The following SHISA9 variants were observed in gnomAD, a reference collection of about 807,000 sequenced individuals.
SHISA9 encodes the protein shisa family member 9.
A neutral mutation model predicts 38.0 loss-of-function variants in SHISA9; 13 were observed. The ratio of observed to expected loss-of-function variants is 0.34; its 90% CI spans 0.22 to 0.54. The LOEUF (loss-of-function observed/expected upper bound fraction) is 0.54. Ranked by LOEUF, SHISA9 falls within the 20% of genes least tolerant of loss-of-function variation. The probability of loss-of-function intolerance (pLI) is 0.91; values close to 1 mark genes in which losing one functional copy is unlikely to be tolerated. For missense variants in SHISA9, 538 were observed against 575.8 expected (o/e 0.93, Z 0.67); for synonymous variants, 275 against 242.0 (o/e 1.14, Z -1.27).
chr16:13,552,617 C>T, the SHISA9 span, among the ~76,000 whole-genome samples: 1 of 152,136 alleles, frequency 6.6e-6, no homozygotes. Context: ...ACAACTTGCT[C>T]GAGGTCACAA....
chr16:13,010,900 C>T (rs760741442), intron 2 of SHISA9, among the ~76,000 whole-genome samples: 11 of 152,218 alleles, frequency 7.2e-5, no homozygotes, highest in East Asian at 1.9e-4. Flanking sequence ...TGTAGTAAGC[C>T]GAGATAGAGC....
the SHISA9 span, among the ~76,000 whole-genome samples, chr16:13,475,010 T>A: frequency 6.6e-6 from 1 of 152,200 alleles, no homozygotes; most frequent in Non-Finnish European, 1.5e-5. Flanking sequence ...TGTGATTTGT[T>A]TTATATTTTA....
intron 3 of SHISA9, among the ~76,000 whole-genome samples, chr16:13,212,813 C>A (rs927213437): frequency 6.6e-6 from 1 of 152,052 alleles, no homozygotes; most frequent in Admixed American, 6.6e-5. Context: ...ATAATGTGCC[C>A]CTTTTCAGGA....
chr16:13,342,088 T>C, the SHISA9 span, among the ~76,000 whole-genome samples: 2 of 152,234 alleles, frequency 1.3e-5, no homozygotes, highest in Admixed American at 6.5e-5. Context: ...CTAGTTAAGC[T>C]GCCATGGTCT....
chr16:13,401,822 T>G, the SHISA9 span, among the ~76,000 whole-genome samples: 2 of 152,296 alleles, frequency 1.3e-5, no homozygotes, highest in African/African-American at 4.8e-5. Context: ...AGAGGTTTAA[T>G]GGACTCACCG....
chr16:13,442,666 G>T, the SHISA9 span, among the ~76,000 whole-genome samples: 655 of 152,234 alleles, frequency 4.3e-3, 7 homozygotes, highest in African/African-American at 0.015. Flanking sequence ...AGATGTTACT[G>T]TTGGGGACTA....
chr16:12,937,381 T>C (rs980644382), intron 2 of SHISA9, among the ~76,000 whole-genome samples: 4 of 152,200 alleles, frequency 2.6e-5, no homozygotes, highest in African/African-American at 9.6e-5. Flanking sequence ...CTGTAATAAG[T>C]TTATTGTCTG....
intron 2 of SHISA9, among the ~76,000 whole-genome samples, chr16:13,030,864 T>C (rs1189721085): frequency 6.6e-6 from 1 of 152,190 alleles, no homozygotes; most frequent in Non-Finnish European, 1.5e-5. Context: ...GACCCCTTCA[T>C]GGCCAAAACG....
At chr16:13,316,771 G>A in the SHISA9 span, among the ~76,000 whole-genome samples, 1 of 152,138 alleles carries the variant, frequency 6.6e-6, no homozygotes, top group South Asian at 2.1e-4. Context: ...TCCTCCCATT[G>A]ACTCCACAAA....
At chr16:12,970,357 A>G (rs1387309770) in intron 2 of SHISA9, among the ~76,000 whole-genome samples, 7 of 66,696 alleles carry the variant, frequency 1.0e-4, no homozygotes, top group Admixed American at 3.4e-4. Flanking sequence ...ATATGTGTAT[A>G]TATATATATA....
the SHISA9 span, among the ~76,000 whole-genome samples, chr16:13,269,596 C>T: frequency 6.6e-6 from 1 of 152,154 alleles, no homozygotes; most frequent in Middle Eastern, 3.2e-3. Context: ...CTTCCCTGTA[C>T]CTTGGTTTTC....
chr16:13,073,282 C>G (rs2073540806), intron 2 of SHISA9, among the ~76,000 whole-genome samples: 1 of 150,502 alleles, frequency 6.6e-6, no homozygotes, highest in Non-Finnish European at 1.5e-5. Context: ...ATTGAGGTCC[C>G]TGGGGACTCA....
chr16:13,541,305 A>G, the SHISA9 span, among the ~76,000 whole-genome samples: 2 of 152,224 alleles, frequency 1.3e-5, no homozygotes, highest in African/African-American at 4.8e-5. Context: ...GTAATGTAGT[A>G]CATGATGAGC....
intron 2 of SHISA9, among the ~76,000 whole-genome samples, chr16:12,946,957 A>G (rs749308372): frequency 1.3e-5 from 2 of 152,254 alleles, no homozygotes; most frequent in African/African-American, 2.4e-5. Flanking sequence ...TTCTGCTGCA[A>G]TAGCAGAGTT....
At chr16:13,009,656 C>T (rs569451338) in intron 2 of SHISA9, among the ~76,000 whole-genome samples, 1 of 152,298 alleles carries the variant, frequency 6.6e-6, no homozygotes, top group East Asian at 1.9e-4. Context: ...CTCAAACACA[C>T]ACTAAAACTT....
intron 2 of SHISA9, among the ~76,000 whole-genome samples, chr16:13,136,062 C>T (rs1007826261): frequency 1.3e-5 from 2 of 152,122 alleles, no homozygotes; most frequent in African/African-American, 2.4e-5. Flanking sequence ...GAAGCATATG[C>T]TATTCTGAAG....
At chr16:13,375,131 C>T in the SHISA9 span, among the ~76,000 whole-genome samples, 36 of 152,296 alleles carry the variant, frequency 2.4e-4, no homozygotes, top group East Asian at 5.4e-3. Context: ...TGCCTGTTCA[C>T]TCCGATGGTA....
intron 2 of SHISA9, among the ~76,000 whole-genome samples, chr16:13,064,008 C>T (rs960072439): frequency 3.0e-4 from 45 of 152,164 alleles, no homozygotes; most frequent in African/African-American, 9.9e-4. Flanking sequence ...CACCAGAGGC[C>T]CGTGGCTCTT....
At chr16:13,150,981 A>C (rs770309951) in intron 2 of SHISA9, among the ~76,000 whole-genome samples, 10 of 152,228 alleles carry the variant, frequency 6.6e-5, no homozygotes, top group Non-Finnish European at 1.3e-4. Flanking sequence ...GAACCAGCAG[A>C]ATATGAGTTA....
Sources: gnomAD v4.1 joint callset for allele counts (sites outside exome capture counted in the v4.1 genomes callset) on GRCh38, gnomAD v4.1.1 for gene constraint, MANE v1.5 for transcripts, NCBI Gene and HGNC (gene_info 2026-07-23, HGNC 2026-07-21) for gene names.